Variants in NAV3 observed in about 807,000 individuals in gnomAD.
The protein encoded by NAV3 is pore membrane and/or filament interacting like protein 1.
In NAV3, 87 loss-of-function variants were observed where a neutral mutation model predicts 244.7. The ratio of observed to expected loss-of-function variants is 0.36; its 90% CI spans 0.30 to 0.42. The LOEUF (loss-of-function observed/expected upper bound fraction) is 0.42. Ranked by LOEUF, NAV3 falls within the 20% of genes least tolerant of loss-of-function variation. NAV3 has a pLI of 1.00. For synonymous variants in NAV3, 1,126 were observed against 1,042.2 expected (o/e 1.08, Z -1.55); for missense variants, 2,663 against 2,893.3 (o/e 0.92, Z 1.83).
chr12:78,136,947 C>G (rs3816382), intron 18 of NAV3, among the ~76,000 whole-genome samples: 4,482 of 152,178 alleles, frequency 0.029, 115 homozygotes, highest in East Asian at 0.12. Flanking sequence ...GTTTTGTGTA[C>G]TGTTGCTTTA....
chr12:77,882,235 T>A (rs1882740505), intron 1 of NAV3, among the ~76,000 whole-genome samples: 2 of 151,966 alleles, frequency 1.3e-5, no homozygotes, highest in African/African-American at 2.4e-5. Context: ...AGTTGACAAA[T>A]AGAGCAATGC....
intron 1 of NAV3, among the ~76,000 whole-genome samples, chr12:77,839,579 A>C (rs1463499621): frequency 3.3e-5 from 5 of 152,196 alleles, no homozygotes; most frequent in African/African-American, 1.2e-4. Flanking sequence ...TGAAGATTAG[A>C]AGAGATATTG....
chr12:77,889,511 A>C (rs1040619289), intron 1 of NAV3, among the ~76,000 whole-genome samples: 7 of 152,332 alleles, frequency 4.6e-5, no homozygotes, highest in Non-Finnish European at 7.3e-5. Flanking sequence ...CTGGACAATT[A>C]ATGGAAATGT....
At chr12:77,632,578 G>A (rs893560734) in intron 2 of NAV3, among the ~76,000 whole-genome samples, 10 of 152,086 alleles carry the variant, frequency 6.6e-5, no homozygotes, top group East Asian at 1.9e-4. Flanking sequence ...TCCCTCCCAC[G>A]ACACGTGGGA....
At chr12:77,676,452 A>C (rs1592570811) in intron 2 of NAV3, among the ~76,000 whole-genome samples, 1 of 151,772 alleles carries the variant, frequency 6.6e-6, no homozygotes, top group African/African-American at 2.4e-5. Context: ...AGTGGTTTTT[A>C]TCTTTTATTT....
intron 2 of NAV3, among the ~76,000 whole-genome samples, chr12:77,626,520 G>A (rs1010662637): frequency 2.0e-5 from 3 of 152,068 alleles, no homozygotes; most frequent in Non-Finnish European, 2.9e-5. Flanking sequence ...ACTGTCAAAA[G>A]TCAGGGAGAA....
chr12:77,961,156 T>A (rs1433879462), intron 3 of NAV3, among the ~76,000 whole-genome samples: 1 of 145,964 alleles, frequency 6.9e-6, no homozygotes, highest in African/African-American at 2.5e-5. Flanking sequence ...TATATACATA[T>A]GTCTATATTA....
At chr12:78,111,294 C>T (rs564806248) in intron 12 of NAV3, among the ~76,000 whole-genome samples, 20 of 152,110 alleles carry the variant, frequency 1.3e-4, no homozygotes, top group African/African-American at 4.6e-4. Flanking sequence ...ACAATGTTAA[C>T]TCAGGTGGAT....
At chr12:78,025,588 T>C (rs1877895115) in intron 9 of NAV3, among the ~76,000 whole-genome samples, 2 of 87,236 alleles carry the variant, frequency 2.3e-5, no homozygotes, top group South Asian at 4.9e-4. Context: ...AGAGCTAGAC[T>C]CCATCTCAAA....
intron 7 of NAV3, among the ~76,000 whole-genome samples, chr12:78,000,154 A>T (rs1459486870): frequency 6.6e-6 from 1 of 152,174 alleles, no homozygotes; most frequent in African/African-American, 2.4e-5. Flanking sequence ...TTCCATGGCC[A>T]CTCAATTCAT....
intron 6 of NAV3, among the ~76,000 whole-genome samples, chr12:77,997,856 G>C (rs990723217): frequency 2.0e-5 from 3 of 152,140 alleles, no homozygotes; most frequent in Non-Finnish European, 2.9e-5. Context: ...ATTCCTTCTT[G>C]TTCAGTAACT....
At chr12:77,740,997 T>C (rs7487814) in intron 2 of NAV3, among the ~76,000 whole-genome samples, 71,675 of 151,642 alleles carry the variant, frequency 0.47, 17,625 homozygotes, top group East Asian at 0.82. Flanking sequence ...TAAGGATTCC[T>C]GCTTGGGATA....
At chr12:77,743,622 A>G (rs556200684) in intron 2 of NAV3, among the ~76,000 whole-genome samples, 4 of 151,910 alleles carry the variant, frequency 2.6e-5, no homozygotes, top group Non-Finnish European at 4.4e-5. Flanking sequence ...CTACTCATAA[A>G]TAAAAAAGGA....
chr12:77,826,400 G>A (rs1259301231), upstream of NAV3, among the ~76,000 whole-genome samples: 2 of 152,000 alleles, frequency 1.3e-5, no homozygotes, highest in East Asian at 1.9e-4. Context: ...GCTGAGGCAC[G>A]AGAATTGCTA....
intron 2 of NAV3, among the ~76,000 whole-genome samples, chr12:77,769,369 C>CT (rs1463015577): frequency 2.0e-5 from 3 of 152,120 alleles, no homozygotes; most frequent in Non-Finnish European, 4.4e-5. Flanking sequence ...TCAGTAATAG[C>CT]TAACAGAACA....
At chr12:78,081,771 C>A (rs950265254) in intron 12 of NAV3, among the ~76,000 whole-genome samples, 2 of 152,252 alleles carry the variant, frequency 1.3e-5, no homozygotes, top group South Asian at 4.1e-4. Flanking sequence ...CAGTGCTGAG[C>A]CTTCCACACT....
chr12:77,576,482 C>T (rs1335690690), intron 2 of NAV3, among the ~76,000 whole-genome samples: 1 of 152,100 alleles, frequency 6.6e-6, no homozygotes, highest in African/African-American at 2.4e-5. Flanking sequence ...TTCCTGGAAA[C>T]ATCACCCACT....
chr12:77,922,381 G>A lies in NAV3; in HGVS notation c.244-17938G>A, dbSNP rs74853655. The stretch of plus-strand genomic sequence containing the variant: ...TCGGGTCATTCGGGCTCTTGTGAAT[G>A]TTTTGGTTTTTGACTGATCCCTTTA... On this transcript the variant is annotated intron_variant, in intron 1 of 39. Transcript: ENST00000397909. 7.5e-3 allele frequency among the ~76,000 whole-genome samples: 1,134 copies of A among 152,182 alleles called. 16 individuals carry two copies. The highest frequency in any genetic ancestry group is 0.026 in the African/African-American group (1,083 of 41,522).
intron 11 of NAV3, among the ~76,000 whole-genome samples, chr12:78,053,935 C>T (rs1266148687): frequency 6.6e-6 from 1 of 152,112 alleles, no homozygotes; most frequent in Non-Finnish European, 1.5e-5. Context: ...TGATGATTGA[C>T]AATATATACT....
Sources: gnomAD v4.1 joint callset for allele counts (sites outside exome capture counted in the v4.1 genomes callset) on GRCh38, gnomAD v4.1.1 for gene constraint, MANE v1.5 for transcripts, NCBI Gene and HGNC (gene_info 2026-07-23, HGNC 2026-07-21) for gene names.